The following ATP6V0D2 variants were observed in gnomAD, a reference collection of about 807,000 sequenced individuals.
The protein encoded by ATP6V0D2 is V-type proton ATPase subunit d 2.
ATP6V0D2 carries 40 observed loss-of-function variants against 40.0 expected under a neutral mutation model. The observed-to-expected ratio is 1.00, with a 90% CI of 0.78 to 1.30. The LOEUF (loss-of-function observed/expected upper bound fraction) is 1.30. Ranked by LOEUF, ATP6V0D2 falls within the 50% of genes most tolerant of loss-of-function variation. The probability of loss-of-function intolerance (pLI) is 0.00; values close to 1 mark genes in which losing one functional copy is unlikely to be tolerated. For synonymous variants in ATP6V0D2, 179 were observed against 156.3 expected (o/e 1.15, Z -1.08); for missense variants, 470 against 423.1 (o/e 1.11, Z -0.97).
chr8:86,137,955 T>C (rs1001042974), intron 2 of ATP6V0D2, among the ~76,000 whole-genome samples: 3 of 152,218 alleles, frequency 2.0e-5, no homozygotes, highest in African/African-American at 7.2e-5. Flanking sequence ...CCTCATTGTA[T>C]AGGTGTTTGT....
chr8:86,145,195 A>AAAGGAAAG, intron 5 of ATP6V0D2, among the ~76,000 whole-genome samples: 1 of 14,592 alleles, frequency 6.9e-5, no homozygotes, highest in East Asian at 1.7e-3. Flanking sequence ...AGAAAGAAAG[A>AAAGGAAAG]AAAGAAAGAA....
intron 4 of ATP6V0D2, among the ~76,000 whole-genome samples, chr8:86,142,658 T>C (rs1336307329): frequency 6.6e-6 from 1 of 152,238 alleles, no homozygotes; most frequent in African/African-American, 2.4e-5. Context: ...TTATAAGTTA[T>C]GATAAATGCA....
At chr8:86,151,751 C>CTTTTT (rs1563568384) in intron 7 of ATP6V0D2, among the ~76,000 whole-genome samples, 2 of 89,054 alleles carry the variant, frequency 2.2e-5, no homozygotes, top group Admixed American at 1.3e-4. Flanking sequence ...TGTAGCTTTT[C>CTTTTT]TTTCTTTTTT....
intron 2 of ATP6V0D2, among the ~76,000 whole-genome samples, chr8:86,124,525 C>T (rs1027825819): frequency 3.3e-5 from 5 of 152,136 alleles, no homozygotes; most frequent in Admixed American, 6.6e-5. Flanking sequence ...GCCCTCCAGG[C>T]GACCCTGATA....
chr8:86,103,019 A>T (rs1367882488), intron 1 of ATP6V0D2, among the ~76,000 whole-genome samples: 1 of 152,220 alleles, frequency 6.6e-6, no homozygotes, highest in Non-Finnish European at 1.5e-5. Flanking sequence ...CAAAATAGTA[A>T]ATCAATACTT....
rs1195467334 is a variant in ATP6V0D2, at chr8:86,142,937, A to G, written c.622A>G (p.Met208Val). The G allele has an allele frequency of 1.9e-6, 3 of 1,609,992 alleles. No individual in the cohort carries two copies. The highest frequency in any genetic ancestry group is 2.5e-6 in the Non-Finnish European group (3 of 1,177,380). ...KNHGDVTAEV[M>V]CPILEFEADR... ...TCATGGTGATGTCACAGCAGAAGTT[A>G]TGTGTCCCATTCTTGAGGTAAGAAA... Residue 208 changes from methionine to valine, a missense_variant, in exon 5 of 8, where the codon ATG becomes GTG. Transcript: ENST00000285393.
chr8:86,114,651 C>G (rs975584471), intron 2 of ATP6V0D2, among the ~76,000 whole-genome samples: 1 of 150,990 alleles, frequency 6.6e-6, no homozygotes, highest in Non-Finnish European at 1.5e-5. Context: ...GCGAGGGCGA[C>G]AGAATGAGAC....
chr8:86,099,214 G>A (rs1818360779), intron 1 of ATP6V0D2, 106 bp downstream of exon 1: 1 of 1,243,082 alleles, frequency 8.0e-7, no homozygotes, highest in East Asian at 2.8e-5. Flanking sequence ...TGGTTTGAGA[G>A]TTCTGAGCAG....
intron 1 of ATP6V0D2, among the ~76,000 whole-genome samples, chr8:86,112,758 A>G (rs1818540870): frequency 2.0e-5 from 3 of 152,174 alleles, no homozygotes; most frequent in Admixed American, 6.5e-5. Flanking sequence ...ACAATCAACA[A>G]AGCTGAAATT....
In ATP6V0D2 at chr8:86,113,813, T is replaced by C. The variant is rs1563556891; in HGVS notation, c.235T>C (p.Cys79Arg). ...KIDTEMRKRL[C>R]GEFEYFRNHS... ...TGACACTGAGATGAGGAAAAGACTATGTGGAGAATTTGAGTATTTCCGGAA... is the reference window on the plus strand; with the variant it reads ...TGACACTGAGATGAGGAAAAGACTACGTGGAGAATTTGAGTATTTCCGGAA... Residue 79 changes from cysteine (C) to arginine (R), a missense_variant, in exon 2 of 8, where the codon TGT (cysteine) becomes CGT (arginine). Coordinates refer to ENST00000285393, the MANE Select transcript of ATP6V0D2 (RefSeq NM_152565.1). The C allele has an allele frequency of 3.1e-6, 5 of 1,614,000 alleles. No individual in the cohort carries two copies. Among genetic ancestry groups the C allele is most frequent in the East Asian group, 4.5e-5 (2 of 44,860 alleles).
At chr8:86,131,053 T>A (rs1818816463) in intron 2 of ATP6V0D2, among the ~76,000 whole-genome samples, 1 of 152,292 alleles carries the variant, frequency 6.6e-6, no homozygotes, top group Non-Finnish European at 1.5e-5. Context: ...GTGTCCAATG[T>A]CCCTTCTGTC....
At chr8:86,122,209 C>A (rs1818680285) in intron 2 of ATP6V0D2, among the ~76,000 whole-genome samples, 1 of 152,106 alleles carries the variant, frequency 6.6e-6, no homozygotes, top group Non-Finnish European at 1.5e-5. Flanking sequence ...TCAAAGTATC[C>A]CACCTCAGAG....
In ATP6V0D2 at chr8:86,101,042, G is replaced by C. The variant is rs142887218; in HGVS notation, c.130+1934G>C. ...GACACCTGTAATCCCAGCTACTCAGGAGGTTGAGGCAGGAGAATTTCTTGA... is the reference window on the plus strand; with the variant it reads ...GACACCTGTAATCCCAGCTACTCAGCAGGTTGAGGCAGGAGAATTTCTTGA... On this transcript the variant is annotated intron_variant, in intron 1 of 7. Transcript: ENST00000285393. Among the ~76,000 whole-genome samples the C allele has an allele frequency of 5.0e-3, 761 of 151,854 alleles. 6 individuals carry two copies. The highest frequency in any genetic ancestry group is 0.017 in the African/African-American group (716 of 41,412).
chr8:86,143,929 C>T (rs1280897451), intron 5 of ATP6V0D2, among the ~76,000 whole-genome samples: 1 of 152,104 alleles, frequency 6.6e-6, no homozygotes, highest in Non-Finnish European at 1.5e-5. Flanking sequence ...ATCAAAAGTC[C>T]ACTATAGCTT....
At chr8:86,152,711 A>C (rs1350853378) in intron 7 of ATP6V0D2, 105 bp from the exon 8 acceptor site, 1 of 1,151,010 alleles carries the variant, frequency 8.7e-7, no homozygotes, top group African/African-American at 1.6e-5. Flanking sequence ...TGCCTGTTTA[A>C]ACACAAATAA....
At chr8:86,125,222 A>G (rs1818724204) in intron 2 of ATP6V0D2, among the ~76,000 whole-genome samples, 1 of 152,170 alleles carries the variant, frequency 6.6e-6, no homozygotes, top group Admixed American at 6.6e-5. Flanking sequence ...AGTGGGATAC[A>G]AATCAGTACC....
intron 5 of ATP6V0D2, among the ~76,000 whole-genome samples, chr8:86,146,147 A>T (rs1819065568): frequency 6.6e-6 from 1 of 152,228 alleles, no homozygotes; most frequent in African/African-American, 2.4e-5. Flanking sequence ...GCTAATTCAT[A>T]AGCAAGATCA....
At chr8:86,107,799 G>T (rs573836243) in intron 1 of ATP6V0D2, among the ~76,000 whole-genome samples, 1 of 152,290 alleles carries the variant, frequency 6.6e-6, no homozygotes, top group Admixed American at 6.5e-5. Context: ...AAACGGGAGT[G>T]AGCAGCAGAA....
intron 5 of ATP6V0D2, among the ~76,000 whole-genome samples, chr8:86,146,187 G>T (rs1819065975): frequency 6.6e-6 from 1 of 152,134 alleles, no homozygotes; most frequent in Non-Finnish European, 1.5e-5. Flanking sequence ...TGGTAAATAG[G>T]TAAGGTAAGA....
Sources: gnomAD v4.1 joint callset for allele counts (sites outside exome capture counted in the v4.1 genomes callset) on GRCh38, gnomAD v4.1.1 for gene constraint, MANE v1.5 for transcripts, NCBI Gene and HGNC (gene_info 2026-07-23, HGNC 2026-07-21) for gene names.